The following FOCAD variants were observed in gnomAD, a reference collection of about 807,000 sequenced individuals.
The protein encoded by FOCAD is focadhesin.
In FOCAD, 198 loss-of-function variants were observed where a neutral mutation model predicts 225.6. That is an observed-to-expected ratio of 0.88 (90% CI 0.78 to 0.99). The LOEUF (loss-of-function observed/expected upper bound fraction) is 0.99, where lower values mean the gene tolerates loss of function less well. Ranked by LOEUF, FOCAD falls within the 50% of genes least tolerant of loss-of-function variation. The pLI, the probability that FOCAD is intolerant of heterozygous loss-of-function variation, is 0.00. For synonymous variants in FOCAD, 897 were observed against 755.0 expected, an observed-to-expected ratio of 1.19 and a Z score of -3.08; for missense variants, 2,713 against 2,123.6, an observed-to-expected ratio of 1.28 and a Z score of -5.46.
chr9:20,761,022 G>A (rs558209148), intron 6 of FOCAD, among the ~76,000 whole-genome samples: 1 of 151,390 alleles, frequency 6.6e-6, no homozygotes, highest in African/African-American at 2.4e-5. Flanking sequence ...AGATTTTTTG[G>A]GGGGGGGCGT....
intron 11 of FOCAD, among the ~76,000 whole-genome samples, chr9:20,818,200 C>T (rs781178372): frequency 2.0e-5 from 3 of 152,178 alleles, no homozygotes; most frequent in African/African-American, 4.8e-5. Context: ...GTATTCAGAT[C>T]CTTTGCCTAT....
At chr9:20,872,227 G>T (rs1488026093) in intron 18 of FOCAD, among the ~76,000 whole-genome samples, 1 of 152,152 alleles carries the variant, frequency 6.6e-6, no homozygotes, top group African/African-American at 2.4e-5. Context: ...GACAATTTAA[G>T]ATTGATGGGT....
At chr9:20,967,735 C>T (rs532963890) in intron 35 of FOCAD, among the ~76,000 whole-genome samples, 121 of 152,120 alleles carry the variant, frequency 8.0e-4, no homozygotes, top group African/African-American at 2.7e-3. Context: ...AATAGTCCTG[C>T]GGGCTTTTTT....
intron 11 of FOCAD, among the ~76,000 whole-genome samples, chr9:20,817,355 T>C (rs1030751251): frequency 6.6e-6 from 1 of 152,128 alleles, no homozygotes; most frequent in Non-Finnish European, 1.5e-5. Flanking sequence ...AAGACGTCAC[T>C]GCCTGTTTCA....
At chr9:20,850,879 G>C (rs762645265) in intron 15 of FOCAD, among the ~76,000 whole-genome samples, 3 of 148,136 alleles carry the variant, frequency 2.0e-5, no homozygotes, top group Admixed American at 6.9e-5. Flanking sequence ...CTTAACACAA[G>C]GTTTTGTAAT....
At position 20,764,983 on chromosome 9, in the gene FOCAD, T is replaced by G; in HGVS notation, c.609T>G (p.Leu203=). 4 of 1,614,104 alleles carry G rather than the reference T, an allele frequency of 2.5e-6. No homozygotes were observed. Among genetic ancestry groups the G allele is most frequent in the Non-Finnish European group, 3.4e-6 (4 of 1,180,006 alleles). ...GACTAGCCCTGCTGAAAGTCTTACT[T>G]CAACCCCAGGTTCTTTGTGACAAAG... ...KLRLALLKVL[L]QPQVLCDKDQ... is the part of the protein sequence containing the mutation. The change falls in exon 7 of 44, where the codon CTT becomes CTG. Residue 203 remains leucine, a synonymous_variant. Coordinates refer to ENST00000338382, the MANE Select transcript of FOCAD (RefSeq NM_001375567.1).
intron 5 of FOCAD, among the ~76,000 whole-genome samples, chr9:20,751,696 T>C (rs1828565975): frequency 6.7e-6 from 1 of 149,140 alleles, no homozygotes; most frequent in African/African-American, 2.4e-5. Flanking sequence ...CTGGGTCAAA[T>C]GGTATTTCTA....
intron 5 of FOCAD, among the ~76,000 whole-genome samples, chr9:20,745,998 G>T (rs891974484): frequency 6.6e-6 from 1 of 152,140 alleles, no homozygotes; most frequent in African/African-American, 2.4e-5. Flanking sequence ...TATCCTAAAG[G>T]CTGAGATTTT....
At chr9:20,949,882 AT>A (rs371086082) in intron 33 of FOCAD, among the ~76,000 whole-genome samples, 1 of 151,850 alleles carries the variant, frequency 6.6e-6, no homozygotes, top group South Asian at 2.1e-4. Context: ...GAAAGCTGGC[AT>A]TTTTTTTAGT....
At chr9:20,866,784 C>G (rs1829300517) in intron 17 of FOCAD, 145 bp from the exon 18 acceptor site, 2 of 522,396 alleles carry the variant, frequency 3.8e-6, no homozygotes, top group Non-Finnish European at 6.5e-6. Flanking sequence ...GCTTTAATAC[C>G]ATTTTCAAAG....
chr9:20,954,620 G>A (rs767798084), intron 35 of FOCAD, among the ~76,000 whole-genome samples: 2 of 152,170 alleles, frequency 1.3e-5, no homozygotes, highest in Non-Finnish European at 2.9e-5. Context: ...AACAGGAAAT[G>A]TTCTGCTATA....
At chr9:20,711,912 G>A (rs1235286249) in intron 1 of FOCAD, among the ~76,000 whole-genome samples, 1 of 152,140 alleles carries the variant, frequency 6.6e-6, no homozygotes, top group Non-Finnish European at 1.5e-5. Context: ...AGTGGACAGA[G>A]GAACAGGAGG....
chr9:20,837,367 G>T (rs186494144), intron 15 of FOCAD, among the ~76,000 whole-genome samples: 6 of 152,164 alleles, frequency 3.9e-5, no homozygotes, highest in African/African-American at 1.4e-4. Flanking sequence ...CACTGGGAGG[G>T]TTTTAATGAT....
Position 20,717,862 on chromosome 9 carries a change from A to G in FOCAD, c.126A>G (p.Thr42=). 1 of 1,611,930 alleles carries G rather than the reference A, an allele frequency of 6.2e-7. No homozygotes were observed. The highest frequency in any genetic ancestry group is 1.1e-5 in the South Asian group (1 of 91,030). Residue 42 remains threonine, a synonymous_variant, in exon 3 of 44, where the codon ACA becomes ACG. Coordinates refer to ENST00000338382, the MANE Select transcript of FOCAD (RefSeq NM_001375567.1). ...NGFSEKIHQS[T]NQTPALNLLW... ...TTTCAGAAAAGATTCACCAATCTAC[A>G]AATCAGGTCTGTGTTTAACTTTATG...
Position 20,958,402 on chromosome 9 carries a change from A to T in FOCAD, c.4132+5337A>T, listed in dbSNP as rs1194433095. On this transcript the variant is annotated intron_variant, in intron 35 of 43. Transcript: ENST00000338382. ...TTTTTAAGTAAATTTGAAATTTTTA[A>T]AAAAAATTTTTAATTGATGAATAAT... 4.7e-5 allele frequency among the ~76,000 whole-genome samples: 7 copies of T among 147,844 alleles called. No homozygotes were observed. In the East Asian group the frequency reaches 6.1e-4, roughly 13 times the overall value.
At chr9:20,857,574 GC>G (rs910756950) in intron 15 of FOCAD, among the ~76,000 whole-genome samples, 1 of 151,656 alleles carries the variant, frequency 6.6e-6, no homozygotes, top group African/African-American at 2.4e-5. Context: ...CTATTGGGAT[GC>G]CCTTTCTTTC....
chr9:20,723,605 C>G (rs1213602704), intron 4 of FOCAD, among the ~76,000 whole-genome samples: 6 of 152,202 alleles, frequency 3.9e-5, no homozygotes, highest in Non-Finnish European at 8.8e-5. Flanking sequence ...CTGTGGAAGA[C>G]AAACTGTTAG....
chr9:20,763,425 C>G (rs1265260952), intron 6 of FOCAD, among the ~76,000 whole-genome samples: 4 of 152,082 alleles, frequency 2.6e-5, no homozygotes, highest in Non-Finnish European at 4.4e-5. Context: ...CTGTGAATAG[C>G]CATTGCACTC....
In FOCAD at chr9:20,949,662, GA is replaced by G; in HGVS notation, c.3937del (p.Thr1313ProfsTer2). The G allele has an allele frequency of 5.0e-6, 8 of 1,612,610 alleles. No homozygotes were observed. The highest frequency in any genetic ancestry group is 6.8e-6 in the Non-Finnish European group (8 of 1,178,938). On this transcript the variant is annotated frameshift_variant, in exon 33 of 44. Coordinates refer to ENST00000338382, the MANE Select transcript of FOCAD (RefSeq NM_001375567.1). LOFTEE classifies it high-confidence loss of function. ...HFQGRLNEVI[R>X]TLTQVISVSG... The stretch of plus-strand genomic sequence containing the variant: ...CAAGGCAGACTTAATGAAGTCATTA[GA>G]ACCTTAACTCAGGTGAGAAAATGAA...
Sources: gnomAD v4.1 joint callset for allele counts (sites outside exome capture counted in the v4.1 genomes callset) on GRCh38, gnomAD v4.1.1 for gene constraint, MANE v1.5 for transcripts, NCBI Gene and HGNC (gene_info 2026-07-23, HGNC 2026-07-21) for gene names.